The following CBFA2T2 variants were observed in gnomAD, a reference collection of about 807,000 sequenced individuals.
CBFA2T2 encodes CBFA2/RUNX1 partner transcriptional co-repressor 2, also known as protein CBFA2T2.
Under a neutral mutation model 62.2 loss-of-function variants are expected in CBFA2T2, and 11 were observed. That is an observed-to-expected ratio of 0.18 (90% CI 0.11 to 0.29). CBFA2T2 has a LOEUF of 0.29. CBFA2T2 is among the 10% of genes least tolerant of loss of function. The pLI is 1.00. For synonymous variants in CBFA2T2, 295 were observed against 287.5 expected, an observed-to-expected ratio of 1.03 and a Z score of -0.27; for missense variants, 592 against 774.1, an observed-to-expected ratio of 0.76 and a Z score of 2.79.
intron 9 of CBFA2T2, 121 bp downstream of exon 9, chr20:33,636,829 G>A (rs1266441539): frequency 1.6e-5 from 11 of 693,938 alleles, no homozygotes; most frequent in Admixed American, 1.3e-4. Context: ...GCTCCTCATA[G>A]AGCTCTAGGC....
intron 5 of CBFA2T2, among the ~76,000 whole-genome samples, chr20:33,624,382 T>C (rs2016133554): frequency 6.6e-6 from 1 of 152,104 alleles, no homozygotes; most frequent in Non-Finnish European, 1.5e-5. Context: ...TGAGCCTTTT[T>C]CCTCCCATGT....
intron 1 of CBFA2T2, among the ~76,000 whole-genome samples, chr20:33,528,835 G>A (rs1373554474): frequency 2.0e-5 from 3 of 151,960 alleles, no homozygotes; most frequent in Non-Finnish European, 4.4e-5. Flanking sequence ...CACTGCACCC[G>A]GCCTAAAATG....
intron 3 of CBFA2T2, among the ~76,000 whole-genome samples, chr20:33,612,087 A>G (rs1009170609): frequency 5.3e-5 from 8 of 152,234 alleles, no homozygotes; most frequent in African/African-American, 1.9e-4. Context: ...AAATACTATC[A>G]AAATAAACAG....
intron 3 of CBFA2T2, among the ~76,000 whole-genome samples, chr20:33,616,845 T>G (rs947304257): frequency 1.3e-5 from 2 of 152,196 alleles, no homozygotes; most frequent in Non-Finnish European, 2.9e-5. Flanking sequence ...CTCAACGTTC[T>G]TCTCTCTGCT....
At chr20:33,527,089 G>C (rs1213132072) in intron 1 of CBFA2T2, among the ~76,000 whole-genome samples, 1 of 152,184 alleles carries the variant, frequency 6.6e-6, no homozygotes, top group Non-Finnish European at 1.5e-5. Context: ...TGCTGAAATA[G>C]CTATTTGGTA....
intron 1 of CBFA2T2, among the ~76,000 whole-genome samples, chr20:33,584,320 C>T (rs2014265108): frequency 6.7e-6 from 1 of 148,540 alleles, no homozygotes; most frequent in African/African-American, 2.5e-5. Flanking sequence ...GGCTGGAATA[C>T]AGTGATGCGA....
chr20:33,562,285 T>G (rs2013113488), intron 1 of CBFA2T2: 1 of 600,410 alleles, frequency 1.7e-6, no homozygotes. Context: ...CTGGGAGGTG[T>G]GTACTTAGTG....
In CBFA2T2 at chr20:33,636,712, T is replaced by C; in HGVS notation, c.1297+4T>C. 2 of 1,606,840 alleles carry C rather than the reference T, an allele frequency of 1.2e-6. No homozygotes were observed. Among genetic ancestry groups the C allele is most frequent in the Non-Finnish European group, 1.7e-6 (2 of 1,173,654 alleles). ...GTGGAGTTTTGGAAAAAAACAGGTATGTGTCTGACTGCTTGTAGGTCATAC... is the reference window on the plus strand; with the variant it reads ...GTGGAGTTTTGGAAAAAAACAGGTACGTGTCTGACTGCTTGTAGGTCATAC... On this transcript the variant is annotated splice_donor_region_variant and intron_variant, in intron 9 of 10. Coordinates refer to ENST00000342704, the MANE Select transcript of CBFA2T2 (RefSeq NM_001032999.3).
chr20:33,511,596 G>A (rs1191184420), intron 1 of CBFA2T2, among the ~76,000 whole-genome samples: 1 of 152,174 alleles, frequency 6.6e-6, no homozygotes, highest in Non-Finnish European at 1.5e-5. Flanking sequence ...CTTCCAAAAG[G>A]ATTACAGGTG....
rs2016999884 is a variant in CBFA2T2 at position 33,644,976 on chromosome 20, C to T, written c.*330C>T. 7.0e-6 allele frequency: 2 copies of T among 283,950 alleles called. No homozygotes were observed. The highest frequency in any genetic ancestry group is 1.3e-5 in the Non-Finnish European group (2 of 149,752). 17.6% of individuals were successfully genotyped at this position (283,950 alleles called of 1,614,324 possible). The stretch of plus-strand genomic sequence containing the variant: ...AGCTCCCCTCCCCATCTCCTTGAGT[C>T]AGCAGACTGTCCAATGTGCTCAGCC... On this transcript the variant is annotated 3_prime_UTR_variant, in exon 11 of 11. Coordinates refer to ENST00000342704, the MANE Select transcript of CBFA2T2 (RefSeq NM_001032999.3).
At chr20:33,631,658 G>T (rs1307429725) in intron 8 of CBFA2T2, among the ~76,000 whole-genome samples, 1 of 152,188 alleles carries the variant, frequency 6.6e-6, no homozygotes, top group East Asian at 1.9e-4. Context: ...TAGCTCTGGG[G>T]AGCATGTTTT....
intron 1 of CBFA2T2, among the ~76,000 whole-genome samples, chr20:33,572,180 A>G (rs1283651695): frequency 6.6e-6 from 1 of 152,228 alleles, no homozygotes; most frequent in Non-Finnish European, 1.5e-5. Flanking sequence ...ATTTTAGAAT[A>G]ATATCTGTAA....
chr20:33,585,820 C>A (rs999728361), intron 1 of CBFA2T2, among the ~76,000 whole-genome samples: 1 of 152,220 alleles, frequency 6.6e-6, no homozygotes, highest in Non-Finnish European at 1.5e-5. Flanking sequence ...TAATTATTTT[C>A]TCTCAAAATT....
intron 7 of CBFA2T2, among the ~76,000 whole-genome samples, chr20:33,629,142 C>CT (rs1475837559): frequency 6.6e-6 from 1 of 152,118 alleles, no homozygotes; most frequent in Non-Finnish European, 1.5e-5. Context: ...AAGAAACTTT[C>CT]TTTTTATTTT....
chr20:33,503,770 C>T (rs963837407), intron 1 of CBFA2T2, among the ~76,000 whole-genome samples: 2 of 152,102 alleles, frequency 1.3e-5, no homozygotes, highest in Non-Finnish European at 2.9e-5. Flanking sequence ...AATCTCCTGC[C>T]TCGATCTCGC....
chr20:33,521,247 A>G (rs2011722970), intron 1 of CBFA2T2, among the ~76,000 whole-genome samples: 1 of 152,152 alleles, frequency 6.6e-6, no homozygotes, highest in Non-Finnish European at 1.5e-5. Flanking sequence ...TGAAGCCGTG[A>G]TGGCTAGGGA....
chr20:33,574,997 T>C (rs1277841198), intron 1 of CBFA2T2, among the ~76,000 whole-genome samples: 2 of 152,262 alleles, frequency 1.3e-5, no homozygotes, highest in Non-Finnish European at 2.9e-5. Flanking sequence ...ACTGTATGTA[T>C]TGTATTAAAC....
intron 1 of CBFA2T2, among the ~76,000 whole-genome samples, chr20:33,557,993 G>A (rs758214489): frequency 2.6e-5 from 4 of 152,036 alleles, no homozygotes; most frequent in Non-Finnish European, 2.9e-5. Flanking sequence ...CAGCCACTAC[G>A]CCTGGCTAAA....
chr20:33,574,376 A>G (rs1488396859), intron 1 of CBFA2T2: 1 of 910,494 alleles, frequency 1.1e-6, no homozygotes, highest in Non-Finnish European at 1.6e-6. Context: ...CTGTAATCCC[A>G]GCACTTTGGG....
Sources: gnomAD v4.1 joint callset for allele counts (sites outside exome capture counted in the v4.1 genomes callset) on GRCh38, gnomAD v4.1.1 for gene constraint, MANE v1.5 for transcripts, NCBI Gene and HGNC (gene_info 2026-07-23, HGNC 2026-07-21) for gene names.